ADAMTS12: variants seen among roughly 807,000 people sequenced by gnomAD.
ADAMTS12 encodes A disintegrin and metalloproteinase with thrombospondin motifs 12.
ADAMTS12 carries 118 observed loss-of-function variants against 167.8 expected under a neutral mutation model. That is an observed-to-expected ratio of 0.70 (90% confidence interval 0.61 to 0.82). The LOEUF is 0.82. ADAMTS12 is among the 40% of genes least tolerant of loss of function. The pLI, the probability that ADAMTS12 is intolerant of heterozygous loss-of-function variation, is 0.00. For missense variants in ADAMTS12, 1,916 were observed against 1,998.8 expected (o/e 0.96, Z 0.79); for synonymous variants, 704 against 716.9 (o/e 0.98, Z 0.29).
chr5:33,613,477 A>G (rs1738833042), intron 16 of ADAMTS12, among the ~76,000 whole-genome samples: 1 of 151,988 alleles, frequency 6.6e-6, no homozygotes, highest in Non-Finnish European at 1.5e-5. Flanking sequence ...AACCAACGAG[A>G]TGTGAGTGGA....
chr5:33,648,241 T>C (rs561590001), intron 9 of ADAMTS12, among the ~76,000 whole-genome samples: 1 of 152,266 alleles, frequency 6.6e-6, no homozygotes, highest in African/African-American at 2.4e-5. Flanking sequence ...AAAAATAACT[T>C]GAGCAACAAT....
chr5:33,661,908 T>C lies in ADAMTS12; in HGVS notation c.1040+8A>G, dbSNP rs1026055763. On this transcript the variant is annotated splice_region_variant and intron_variant, in intron 6 of 23. Transcript: ENST00000504830. ...CTGCCCCTGGGTTTCATGTAGTCTCTGGTGTACCTGGTGAGAAGGACAGCC... is the reference window on the plus strand; with the variant it reads ...CTGCCCCTGGGTTTCATGTAGTCTCCGGTGTACCTGGTGAGAAGGACAGCC... 1 of 1,613,100 alleles carries C rather than the reference T, an allele frequency of 6.2e-7. No individual in the cohort carries two copies. Among genetic ancestry groups the C allele is most frequent in the Non-Finnish European group, 8.5e-7 (1 of 1,179,418 alleles).
intron 2 of ADAMTS12, among the ~76,000 whole-genome samples, chr5:33,758,269 A>G (rs923160272): frequency 6.6e-6 from 1 of 151,994 alleles, no homozygotes. Context: ...TTTAAAAGCT[A>G]CCCCCTGTCA....
chr5:33,629,530 C>T (rs1739819437), intron 13 of ADAMTS12, among the ~76,000 whole-genome samples: 2 of 152,052 alleles, frequency 1.3e-5, no homozygotes. Flanking sequence ...ATAAATATAG[C>T]CAGGGAAGGC....
At chr5:33,719,328 C>T (rs1352662978) in intron 3 of ADAMTS12, among the ~76,000 whole-genome samples, 1 of 152,026 alleles carries the variant, frequency 6.6e-6, no homozygotes, top group Non-Finnish European at 1.5e-5. Context: ...CTTTGTTTCT[C>T]CCAAGAGGTT....
At chr5:33,671,840 T>C (rs578153894) in intron 5 of ADAMTS12, among the ~76,000 whole-genome samples, 71 of 139,438 alleles carry the variant, frequency 5.1e-4, no homozygotes, top group Admixed American at 1.6e-3. Context: ...ACCCACACAC[T>C]CACATACACA....
intron 3 of ADAMTS12, among the ~76,000 whole-genome samples, chr5:33,749,591 C>T (rs1179318219): frequency 3.3e-5 from 5 of 152,140 alleles, no homozygotes; most frequent in Non-Finnish European, 7.4e-5. Context: ...GGAGAAATTC[C>T]ACCTGGTGGA....
At chr5:33,757,533 A>G (rs1362931787) in intron 2 of ADAMTS12, among the ~76,000 whole-genome samples, 1 of 152,298 alleles carries the variant, frequency 6.6e-6, no homozygotes, top group African/African-American at 2.4e-5. Context: ...CATGTCCCTC[A>G]TCCCTCTCAG....
At chr5:33,790,782 C>CATATATATATATATATATATAT (rs10622464) in intron 2 of ADAMTS12, among the ~76,000 whole-genome samples, 4 of 134,048 alleles carry the variant, frequency 3.0e-5, no homozygotes, top group African/African-American at 8.3e-5. Flanking sequence ...GACATACAAA[C>CATATATATATATATATATATAT]ATATATATAT....
At chr5:33,766,309 C>T (rs570674946) in intron 2 of ADAMTS12, among the ~76,000 whole-genome samples, 29 of 152,248 alleles carry the variant, frequency 1.9e-4, no homozygotes, top group Middle Eastern at 6.8e-3. Flanking sequence ...GTGTTCTTCT[C>T]CAAAATCCAT....
intron 5 of ADAMTS12, among the ~76,000 whole-genome samples, chr5:33,680,539 T>C (rs776255459): frequency 6.6e-6 from 1 of 151,738 alleles, no homozygotes; most frequent in African/African-American, 2.4e-5. Flanking sequence ...AAATGCTAAA[T>C]GTTTCTTCAC....
intron 2 of ADAMTS12, among the ~76,000 whole-genome samples, chr5:33,773,673 A>T (rs1313067305): frequency 6.6e-6 from 1 of 152,194 alleles, no homozygotes; most frequent in East Asian, 1.9e-4. Flanking sequence ...TTTCTTGCCT[A>T]ATCCCAAGTA....
At chr5:33,801,969 G>T (rs1747026824) in intron 2 of ADAMTS12, among the ~76,000 whole-genome samples, 1 of 152,216 alleles carries the variant, frequency 6.6e-6, no homozygotes, top group Admixed American at 6.5e-5. Context: ...TTAGGAGGTA[G>T]GGCTTTGGGA....
chr5:33,686,656 T>G (rs949860512), intron 3 of ADAMTS12, among the ~76,000 whole-genome samples: 11 of 151,714 alleles, frequency 7.3e-5, no homozygotes, highest in African/African-American at 2.7e-4. Flanking sequence ...GGAGCCCCCA[T>G]CATGGGATTA....
chr5:33,666,860 A>G (rs573590681), intron 5 of ADAMTS12, among the ~76,000 whole-genome samples: 4 of 152,326 alleles, frequency 2.6e-5, no homozygotes, highest in Non-Finnish European at 5.9e-5. Flanking sequence ...ATAACAGATT[A>G]ATCCGTTTTT....
In ADAMTS12 at chr5:33,891,873, A is replaced by G. The variant is rs777293781; in HGVS notation, c.-17T>C. 1.2e-6 allele frequency: 2 copies of G among 1,606,498 alleles called. No homozygotes were observed. The highest frequency in any genetic ancestry group is 2.2e-5 in the South Asian group (2 of 89,536). On this transcript the variant is annotated 5_prime_UTR_variant, in exon 1 of 24. Transcript: ENST00000504830. The stretch of plus-strand genomic sequence containing the variant: ...ACATGGCATGATTCAGATGTTGAGG[A>G]GAAGAAAAGTCAAAAAAGTTTTAGC...
In ADAMTS12 at chr5:33,630,900, C is replaced by T. The variant is rs1293434044; in HGVS notation, c.1902G>A (p.Glu634=). The T allele has an allele frequency of 6.2e-7, 1 of 1,613,240 alleles. No homozygotes were observed. The highest frequency in any genetic ancestry group is 2.2e-5 in the East Asian group (1 of 44,854). Residue 634 remains glutamate, a synonymous_variant, in exon 13 of 24, where the codon GAG becomes GAA. Transcript: ENST00000504830. Reference sequence around the variant, plus strand: ...GGCCATCTATGGGTCGGCAGTAGAGCTCACAAGGATGTGCTGAAGGGAAAA... The same window carrying T: ...GGCCATCTATGGGTCGGCAGTAGAGTTCACAAGGATGTGCTGAAGGGAAAA... ...FPIFNPAHPC[E]LYCRPIDGQF...
chr5:33,525,454 T>C lies in ADAMTS12; in HGVS notation c.*1734A>G, dbSNP rs1343133900. ...GGCTTGGAAAAAAATAAAAAGCACA[T>C]AATATTAAATCTTAAATTCAAGGTA... On this transcript the variant is annotated 3_prime_UTR_variant, in exon 24 of 24. Transcript: ENST00000504830. 3 of 152,176 alleles carry C rather than the reference T, an allele frequency of 2.0e-5. No individual in the cohort carries two copies. The East Asian group carries it at 5.8e-4, about 29-fold the overall frequency. The allele number at this position is 152,176 out of a possible 1,614,324, so 9.4% of individuals were successfully genotyped here.
chr5:33,588,909 T>C, intron 17 of ADAMTS12, 100 bp from the exon 18 acceptor site: 1 of 1,451,670 alleles, frequency 6.9e-7, no homozygotes, highest in Non-Finnish European at 9.3e-7. Context: ...ATCACAGGGC[T>C]GGAAGGGCCA....
Sources: allele counts gnomAD v4.1 joint callset (sites outside exome capture counted in the v4.1 genomes callset), GRCh38; gene constraint gnomAD v4.1.1; transcripts MANE v1.5; gene names NCBI Gene and HGNC (gene_info 2026-07-23, HGNC 2026-07-21).